RBM12B: variants seen among roughly 807,000 people sequenced by gnomAD.
RBM12B encodes RNA-binding protein 12B.
In RBM12B, 10 loss-of-function variants were observed where a neutral mutation model predicts 34.3. The ratio of observed to expected loss-of-function variants is 0.29; its 90% CI spans 0.18 to 0.49. The LOEUF is 0.49. RBM12B is among the 20% of genes least tolerant of loss of function. RBM12B has a pLI of 0.99. For synonymous variants in RBM12B, 477 were observed against 437.1 expected (o/e 1.09, Z -1.14); for missense variants, 1,139 against 1,262.7 (o/e 0.90, Z 1.48).
In RBM12B at chr8:93,735,867, C is replaced by G. The variant is rs1278582921; in HGVS notation, c.544G>C (p.Gly182Arg). The change falls in exon 4 of 4, where the codon GGA becomes CGA. Residue 182 changes from glycine (G) to arginine (R), a missense_variant. Transcript: ENST00000520560. Reference protein sequence around the residue: ...RVFFSGLCVDGVIFLKHHDGR... With the variant: ...RVFFSGLCVDRVIFLKHHDGR... Reference sequence around the variant, plus strand: ...TCATGATGTTTTAAGAAAATTACTCCATCCACGCACAAACCAGAGAAAAAG... The same window carrying G: ...TCATGATGTTTTAAGAAAATTACTCGATCCACGCACAAACCAGAGAAAAAG... 1 of 1,614,024 alleles carries G rather than the reference C, an allele frequency of 6.2e-7. No homozygotes were observed. The highest frequency in any genetic ancestry group is 1.1e-5 in the South Asian group (1 of 91,074).
chr8:93,731,782 G>A lies in RBM12B; in HGVS notation c.*1623C>T, dbSNP rs1811801230. ...TTATGTTTTATGTAAATTATAAAAG[G>A]CCAAAGTCAATCATGTTGAATAAAA... On this transcript the variant is annotated 3_prime_UTR_variant, in exon 4 of 4. Coordinates refer to ENST00000520560, the MANE Select transcript of RBM12B (RefSeq NM_001377960.1). 6.6e-6 allele frequency: 1 copy of A among 152,492 alleles called. No homozygotes were observed. The highest frequency in any genetic ancestry group is 1.5e-5 in the Non-Finnish European group (1 of 67,998). 9.4% of individuals were successfully genotyped at this position (152,492 alleles called of 1,614,324 possible).
intron 2 of RBM12B, among the ~76,000 whole-genome samples, chr8:93,739,506 A>C (rs926725376): frequency 3.3e-5 from 5 of 152,204 alleles, no homozygotes; most frequent in Non-Finnish European, 5.9e-5. Context: ...CCTCTACAAT[A>C]ACACACCTTG....
chr8:93,740,554 A>C (rs1300546615), intron 2 of RBM12B, 75 bp downstream of exon 2: 2 of 456,096 alleles, frequency 4.4e-6, no homozygotes, highest in African/African-American at 2.0e-5. Flanking sequence ...TGCCCTTCTC[A>C]AGCCTAACGA....
In RBM12B at chr8:93,735,907, T is replaced by A. The variant is rs1812005079; in HGVS notation, c.504A>T (p.Glu168Asp). Residue 168 changes from glutamate to aspartate, a missense_variant, in exon 4 of 4, where the codon GAA (glutamate) becomes GAT (aspartate). Physicochemically the swap from Glu to Asp is conservative, Grantham distance 45. Around this residue, in one of 3 missense-constraint regions of RBM12B, gnomAD observed 216 missense variants for 292.2 expected, o/e 0.74. Coordinates refer to ENST00000520560, the MANE Select transcript of RBM12B (RefSeq NM_001377960.1). ...CAGAGAAAAAGACACGTACATCATCTTCATTTACTAGGTAAGGCAAACCTC... is the reference window on the plus strand; with the variant it reads ...CAGAGAAAAAGACACGTACATCATCATCATTTACTAGGTAAGGCAAACCTC... ...FLRGLPYLVN[E>D]DDVRVFFSGL... The A allele has an allele frequency of 1.2e-6, 2 of 1,614,060 alleles. No individual in the cohort carries two copies. The highest frequency in any genetic ancestry group is 2.2e-5 in the South Asian group (2 of 91,086).
Position 93,729,321 on chromosome 8 carries a change from T to TG in RBM12B, c.*4083dup, listed in dbSNP as rs1811694183. ...TGAGAATAGTCCTAAGTGACAAAGTTGTTTCAGTACTTTTTTGTAAAATAT... is the reference window on the plus strand; with the variant it reads ...TGAGAATAGTCCTAAGTGACAAAGTTGGTTTCAGTACTTTTTTGTAAAATAT... On this transcript the variant is annotated 3_prime_UTR_variant, in exon 4 of 4. Coordinates refer to ENST00000520560, the MANE Select transcript of RBM12B (RefSeq NM_001377960.1). The TG allele has an allele frequency of 6.6e-6, 1 of 152,184 alleles. No homozygotes were observed. Among genetic ancestry groups the TG allele is most frequent in the African/African-American group, 2.4e-5 (1 of 41,456 alleles). The allele number at this position is 152,184 out of a possible 1,614,324, so 9.4% of individuals were successfully genotyped here. A position where few individuals can be genotyped will look rare whatever the true frequency, so the allele number is the denominator to read the frequency against.
Position 93,734,118 on chromosome 8 carries a change from G to C in RBM12B, c.2293C>G (p.Arg765Gly), listed in dbSNP as rs772684843. Residue 765 changes from arginine (R) to glycine (G), a missense_variant, in exon 4 of 4, where the codon CGG (arginine) becomes GGG (glycine). Arg to Gly is a moderately radical substitution (Grantham distance 125). This residue lies in a region of RBM12B where 863 missense variants were observed against 869.5 expected (regional missense o/e 0.99). Transcript: ENST00000520560. ...CGCCTGAAATGCTCTGGGGGTGGCC[G>C]CCTGAAGTGCTCTGGGGGTGGCCGC... Reference protein sequence around the residue: ...FRRPPPEHFRRPPPEHFRRPP... With the variant: ...FRRPPPEHFRGPPPEHFRRPP... The C allele has an allele frequency of 6.4e-7, 1 of 1,558,006 alleles. No homozygotes were observed. Among genetic ancestry groups the C allele is most frequent in the Non-Finnish European group, 8.7e-7 (1 of 1,154,010 alleles).
rs757248797 is a variant in RBM12B at position 93,736,435 on chromosome 8, T to C, written c.-25A>G. Reference sequence around the variant, plus strand: ...TGCTGAGCTCAAACCACAGCAATAATGACCTGCAGACAAAAAGGTACACAT... The same window carrying C: ...TGCTGAGCTCAAACCACAGCAATAACGACCTGCAGACAAAAAGGTACACAT... On this transcript the variant is annotated 5_prime_UTR_variant, in exon 4 of 4. Transcript: ENST00000520560. 1 of 1,524,942 alleles carries C rather than the reference T, an allele frequency of 6.6e-7. No homozygotes were observed. The highest frequency in any genetic ancestry group is 8.7e-7 in the Non-Finnish European group (1 of 1,145,108). 94.5% of individuals were successfully genotyped at this position (1,524,942 alleles called of 1,614,324 possible). A position where few individuals can be genotyped will look rare whatever the true frequency, so the allele number is the denominator to read the frequency against.
chr8:93,736,105 C>A lies in RBM12B; in HGVS notation c.306G>T (p.Gly102=). Residue 102 remains glycine (G), a synonymous_variant, in exon 4 of 4, where the codon GGG becomes GGT. Transcript: ENST00000520560. The part of the protein sequence containing the change: ...GRGRPGSGTS[G]VDSLSNFIES... ...CAATAAAATTAGACAGGCTGTCAAC[C>A]CCTGATGTCCCAGATCCTGGACGCC... 6.2e-7 allele frequency: 1 copy of A among 1,614,122 alleles called. No individual in the cohort carries two copies. The highest frequency in any genetic ancestry group is 8.5e-7 in the Non-Finnish European group (1 of 1,180,010).
rs941834102 is a variant in RBM12B, at chr8:93,736,238, C to T, written c.173G>A (p.Ser58Asn). Residue 58 changes from serine (S) to asparagine (N), a missense_variant, in exon 4 of 4, where the codon AGT becomes AAT. Physicochemically the swap from Ser to Asn is conservative, Grantham distance 46. Transcript: ENST00000520560. Reference sequence around the variant, plus strand: ...ATCCTTGATAAACCCTCCTGAACGACTTATGGCACGTCTTGCATCTTCATC... The same window carrying T: ...ATCCTTGATAAACCCTCCTGAACGATTTATGGCACGTCTTGCATCTTCATC... ...ATDEDARRAISRSGGFIKDSS... is the reference protein window; with the variant it reads ...ATDEDARRAINRSGGFIKDSS... The T allele has an allele frequency of 1.9e-6, 3 of 1,614,220 alleles. No individual in the cohort carries two copies. Among genetic ancestry groups the T allele is most frequent in the Non-Finnish European group, 1.7e-6 (2 of 1,180,034 alleles).
Position 93,733,946 on chromosome 8 carries a change from G to T in RBM12B, c.2465C>A (p.Pro822His). Residue 822 changes from proline to histidine, a missense_variant, in exon 4 of 4, where the codon CCT becomes CAT. Coordinates refer to ENST00000520560, the MANE Select transcript of RBM12B (RefSeq NM_001377960.1). ...RGPPDEDFRH[P>H]PDEDFRSPQE... is the part of the protein sequence containing the mutation. ...GGGGCTCCTGAAGTCCTCATCAGGA[G>T]GGTGCCTAAAGTCTTCATCAGGAGG... 1 of 1,613,624 alleles carries T rather than the reference G, an allele frequency of 6.2e-7. No individual in the cohort carries two copies. Among genetic ancestry groups the T allele is most frequent in the South Asian group, 1.1e-5 (1 of 91,056 alleles).
rs1811871060 is a variant in RBM12B, at chr8:93,733,708, A to T, written c.2703T>A (p.His901Gln). The part of the protein sequence containing the change: ...PEGGKFDFGK[H>Q]NMGSFPEGRF... Reference sequence around the variant, plus strand: ...TCCCCTCAGGAAAACTTCCCATATTATGCTTTCCAAAATCAAACTTGCCAC... The same window carrying T: ...TCCCCTCAGGAAAACTTCCCATATTTTGCTTTCCAAAATCAAACTTGCCAC... Residue 901 changes from histidine (H) to glutamine (Q), a missense_variant, in exon 4 of 4, where the codon CAT becomes CAA. By Grantham distance (24) the His-to-Gln change is conservative. Coordinates refer to ENST00000520560, the MANE Select transcript of RBM12B (RefSeq NM_001377960.1). The T allele has an allele frequency of 6.2e-7, 1 of 1,614,010 alleles. No individual in the cohort carries two copies. The highest frequency in any genetic ancestry group is 1.3e-5 in the African/African-American group (1 of 74,938).
Position 93,734,860 on chromosome 8 carries a change from T to C in RBM12B, c.1551A>G (p.Pro517=). Residue 517 remains proline (P), a synonymous_variant, in exon 4 of 4, where the codon CCA becomes CCG. Transcript: ENST00000520560. ...TTTCAAAAGCACCAACTGAGTATAT[T>C]GGTGGGTCTTTTGAGTCAAATAAAT... ...HSHLFDSKDP[P]IYSVGAFENF... is the part of the protein sequence containing the mutation. 6.2e-7 allele frequency: 1 copy of C among 1,614,138 alleles called. No homozygotes were observed. Among genetic ancestry groups the C allele is most frequent in the Non-Finnish European group, 8.5e-7 (1 of 1,180,016 alleles).
rs1356790549 is a variant in RBM12B, at chr8:93,732,610, T to C, written c.*795A>G. ...CGTATCTTGTATTAATTTTACTTGG[T>C]TGATAAGATGTTGAAGAAACCATGG... On this transcript the variant is annotated 3_prime_UTR_variant, in exon 4 of 4. Transcript: ENST00000520560. 2 of 152,210 alleles carry C rather than the reference T, an allele frequency of 1.3e-5. No individual in the cohort carries two copies. The highest frequency in any genetic ancestry group is 2.9e-5 in the Non-Finnish European group (2 of 68,026). 9.4% of individuals were successfully genotyped at this position (152,210 alleles called of 1,614,324 possible).
intron 2 of RBM12B, chr8:93,740,125 A>G (rs1812150262): frequency 2.7e-6 from 1 of 363,742 alleles, no homozygotes; most frequent in African/African-American, 2.1e-5. Context: ...AAAATAATCT[A>G]CACCAACCCA....
At chr8:93,739,212 TAAAAA>T (rs1248367403) in intron 2 of RBM12B, 2 of 152,148 alleles carry the variant, frequency 1.3e-5, no homozygotes, top group Non-Finnish European at 2.9e-5. Flanking sequence ...CCTAAGCTTT[TAAAAA>T]AATTTTAACG....
chr8:93,739,812 G>A (rs1316202716), intron 2 of RBM12B, among the ~76,000 whole-genome samples: 1 of 152,140 alleles, frequency 6.6e-6, no homozygotes, highest in African/African-American at 2.4e-5. Flanking sequence ...AATTTAAAGC[G>A]CATTTTAAAT....
chr8:93,738,069 C>T (rs985134294), intron 2 of RBM12B, among the ~76,000 whole-genome samples: 1 of 152,142 alleles, frequency 6.6e-6, no homozygotes, highest in African/African-American at 2.4e-5. Context: ...ATATAAACAG[C>T]TCATACATCC....
chr8:93,728,479 T>C lies in RBM12B; in HGVS notation c.*4926A>G. 2.1e-6 allele frequency: 1 copy of C among 466,664 alleles called. No homozygotes were observed. The highest frequency in any genetic ancestry group is 3.8e-6 in the Non-Finnish European group (1 of 262,536). The allele number at this position is 466,664 out of a possible 1,614,324, so 28.9% of individuals were successfully genotyped here. On this transcript the variant is annotated 3_prime_UTR_variant, in exon 4 of 4. Coordinates refer to ENST00000520560, the MANE Select transcript of RBM12B (RefSeq NM_001377960.1). ...TTTAAAAAATATTGCATACCAGTCA[T>C]TTCAACATCCTACCTAGTGTTACAT...
chr8:93,733,927 C>A lies in RBM12B; in HGVS notation c.2484G>T (p.Arg828Ser). Residue 828 changes from arginine (R) to serine (S), a missense_variant, in exon 4 of 4, where the codon AGG becomes AGT. Coordinates refer to ENST00000520560, the MANE Select transcript of RBM12B (RefSeq NM_001377960.1). ...DFRHPPDEDF[R>S]SPQEEDFRCP... ...ATCTAAAATCTTCCTCCTGGGGGCT[C>A]CTGAAGTCCTCATCAGGAGGGTGCC... The A allele has an allele frequency of 6.2e-7, 1 of 1,613,504 alleles. No individual in the cohort carries two copies. The highest frequency in any genetic ancestry group is 1.1e-5 in the South Asian group (1 of 91,054).
Sources: allele counts gnomAD v4.1 joint callset (sites outside exome capture counted in the v4.1 genomes callset), GRCh38; gene constraint gnomAD v4.1.1; regional missense constraint gnomAD v4.1.1; transcripts MANE v1.5; gene names NCBI Gene and HGNC (gene_info 2026-07-23, HGNC 2026-07-21).